Variants in UQCR11 observed in about 807,000 individuals in gnomAD.
UQCR11 encodes the protein ubiquinol-cytochrome c reductase, complex III subunit XI, also known as cytochrome b-c1 complex subunit 10.
UQCR11 carries 10 observed loss-of-function variants against 7.6 expected under a neutral mutation model. The ratio of observed to expected loss-of-function variants is 1.31; its 90% CI spans 0.81 to 2.22. UQCR11 has a LOEUF of 2.22. Ranked by LOEUF, UQCR11 falls within the 30% of genes most tolerant of loss-of-function variation. UQCR11 has a pLI of 0.00. For missense variants in UQCR11, 86 were observed against 75.1 expected, an observed-to-expected ratio of 1.15 and a Z score of -0.54; for synonymous variants, 34 against 34.9, an observed-to-expected ratio of 0.97 and a Z score of 0.09.
chr19:1,603,607 T>C (rs1229409372), intron 1 of UQCR11, among the ~76,000 whole-genome samples: 1 of 152,078 alleles, frequency 6.6e-6, no homozygotes, highest in East Asian at 1.9e-4. Flanking sequence ...ACTCCGTCTC[T>C]AAATAAATAA....
intron 1 of UQCR11, chr19:1,602,156 T>A (rs2060749128): frequency 6.6e-6 from 1 of 151,892 alleles, no homozygotes; most frequent in African/African-American, 2.4e-5. Context: ...TGAGACTCTG[T>A]CTCGGAAGAA....
chr19:1,599,667 C>A, intron 1 of UQCR11, 107 bp from the exon 2 acceptor site: 1 of 1,484,594 alleles, frequency 6.7e-7, no homozygotes, highest in Non-Finnish European at 9.0e-7. Context: ...GAGGTGCGGG[C>A]CTGGCACCTG....
Position 1,597,712 on chromosome 19 carries a change from C to G in UQCR11, c.*532G>C, listed in dbSNP as rs1009246088. Reference sequence around the variant, plus strand: ...GTTGAGCCTTCCTCAGACGAAGTGGCCTTGGCTGATGTCTTAACTGCAACC... The same window carrying G: ...GTTGAGCCTTCCTCAGACGAAGTGGGCTTGGCTGATGTCTTAACTGCAACC... On this transcript the variant is annotated 3_prime_UTR_variant, in exon 3 of 3. Transcript: ENST00000591899. The G allele has an allele frequency of 1.3e-5, 2 of 152,244 alleles. No individual in the cohort carries two copies. The highest frequency in any genetic ancestry group is 2.9e-5 in the Non-Finnish European group (2 of 68,050). 9.4% of individuals were successfully genotyped at this position (152,244 alleles called of 1,614,324 possible). A position where few individuals can be genotyped will look rare whatever the true frequency, so the allele number is the denominator to read the frequency against.
At chr19:1,599,386 A>T in intron 2 of UQCR11, 26 bp downstream of exon 2, 1 of 1,607,132 alleles carries the variant, frequency 6.2e-7, no homozygotes, top group Non-Finnish European at 8.5e-7. Context: ...CATGCAGTCC[A>T]CCCACCGCAG....
chr19:1,599,663 C>T (rs1239990595), intron 1 of UQCR11, 103 bp from the exon 2 acceptor site: 20 of 1,498,666 alleles, frequency 1.3e-5, no homozygotes, highest in Non-Finnish European at 1.8e-5. Flanking sequence ...GGCTGAGGTG[C>T]GGGCCTGGCA....
intron 1 of UQCR11, among the ~76,000 whole-genome samples, chr19:1,600,353 A>G (rs1166242485): frequency 6.6e-6 from 1 of 151,736 alleles, no homozygotes; most frequent in Non-Finnish European, 1.5e-5. Flanking sequence ...AGCTGGGACT[A>G]CAGGCGCCCG....
In UQCR11 at chr19:1,605,459, C is replaced by T. The variant is rs779238441; in HGVS notation, c.-50G>A. ...TGACCCTGTCCAGCTGACCCGGCTA[C>T]ACTGCGCAGGCGCGGCCGCGGCGCG... On this transcript the variant is annotated 5_prime_UTR_variant, in exon 1 of 3. Coordinates refer to ENST00000591899, the MANE Select transcript of UQCR11 (RefSeq NM_006830.4). 8 of 1,413,376 alleles carry T rather than the reference C, an allele frequency of 5.7e-6. No homozygotes were observed. Among genetic ancestry groups the T allele is most frequent in the Non-Finnish European group, 5.6e-6 (6 of 1,078,798 alleles). 87.6% of individuals were successfully genotyped at this position (1,413,376 alleles called of 1,614,324 possible).
chr19:1,599,260 G>T, intron 2 of UQCR11, 152 bp downstream of exon 2: 1 of 1,048,006 alleles, frequency 9.5e-7, no homozygotes. Flanking sequence ...GGAGATGCCA[G>T]AAGGGGCACC....
intron 2 of UQCR11, 145 bp downstream of exon 2, chr19:1,599,267 C>G (rs2060740037): frequency 8.9e-7 from 1 of 1,118,480 alleles, no homozygotes; most frequent in Admixed American, 2.5e-5. Flanking sequence ...CCAGAAGGGG[C>G]ACCCAGGGCC....
At chr19:1,603,290 C>T (rs1335437278) in intron 1 of UQCR11, among the ~76,000 whole-genome samples, 1 of 152,198 alleles carries the variant, frequency 6.6e-6, no homozygotes, top group African/African-American at 2.4e-5. Flanking sequence ...TGGCGCGTCC[C>T]TAACACATAG....
intron 1 of UQCR11, among the ~76,000 whole-genome samples, chr19:1,600,677 G>A (rs533085077): frequency 1.1e-3 from 160 of 152,152 alleles, no homozygotes; most frequent in Non-Finnish European, 1.7e-3. Context: ...TTTGAGACCA[G>A]CCTAGACAAC....
At chr19:1,599,699 C>T (rs556923383) in intron 1 of UQCR11, 139 bp from the exon 2 acceptor site, 2 of 1,355,100 alleles carry the variant, frequency 1.5e-6, no homozygotes, top group East Asian at 5.0e-5. Flanking sequence ...TGCTGTGAGC[C>T]CTGAGGGCTG....
At chr19:1,601,207 T>C (rs1346054800) in intron 1 of UQCR11, among the ~76,000 whole-genome samples, 2 of 152,160 alleles carry the variant, frequency 1.3e-5, no homozygotes, top group Admixed American at 6.5e-5. Flanking sequence ...CTGGGCACCT[T>C]TGTGCAACCT....
At chr19:1,603,274 G>T (rs1235742934) in intron 1 of UQCR11, among the ~76,000 whole-genome samples, 1 of 152,178 alleles carries the variant, frequency 6.6e-6, no homozygotes, top group Non-Finnish European at 1.5e-5. Context: ...CAAGGGTTCG[G>T]TCTATTGGCG....
intron 1 of UQCR11, 58 bp downstream of exon 1, chr19:1,605,302 C>G: frequency 6.6e-7 from 1 of 1,508,108 alleles, no homozygotes; most frequent in South Asian, 1.3e-5. Flanking sequence ...CGGAACGCAG[C>G]GGCGCGGGGC....
chr19:1,602,678 C>T (rs943822284), intron 1 of UQCR11, among the ~76,000 whole-genome samples: 3 of 152,150 alleles, frequency 2.0e-5, no homozygotes, highest in Non-Finnish European at 4.4e-5. Context: ...TCTCGAACTC[C>T]TGACCTCAAG....
At chr19:1,602,426 T>C (rs1353108972) in intron 1 of UQCR11, 1 of 152,058 alleles carries the variant, frequency 6.6e-6, no homozygotes, top group Non-Finnish European at 1.5e-5. Context: ...TTGATGGCAT[T>C]CTGGATAAGT....
At chr19:1,602,324 C>T (rs1322751304) in intron 1 of UQCR11, 1 of 152,288 alleles carries the variant, frequency 6.6e-6, no homozygotes, top group East Asian at 1.9e-4. Context: ...GCCAGGTGCC[C>T]GCTCACCAGC....
intron 1 of UQCR11, among the ~76,000 whole-genome samples, chr19:1,605,078 C>T (rs2060758052): frequency 6.6e-6 from 1 of 152,258 alleles, no homozygotes; most frequent in Non-Finnish European, 1.5e-5. Context: ...CAGGGGGTCA[C>T]CATTCGGATC....
Sources: allele counts gnomAD v4.1 joint callset (sites outside exome capture counted in the v4.1 genomes callset), GRCh38; gene constraint gnomAD v4.1.1; transcripts MANE v1.5; gene names NCBI Gene and HGNC (gene_info 2026-07-23, HGNC 2026-07-21).